The following PCDH17 variants were observed in gnomAD, a reference collection of about 807,000 sequenced individuals.
The protein encoded by PCDH17 is protocadherin 17.
Under a neutral mutation model 67.7 loss-of-function variants are expected in PCDH17, and 21 were observed. The ratio of observed to expected loss-of-function variants is 0.31; its 90% CI spans 0.22 to 0.45. The LOEUF (loss-of-function observed/expected upper bound fraction) is 0.45. Ranked by LOEUF, PCDH17 falls within the 20% of genes least tolerant of loss-of-function variation. The pLI is 1.00. For synonymous variants in PCDH17, 701 were observed against 656.7 expected, an observed-to-expected ratio of 1.07 and a Z score of -1.03; for missense variants, 1,471 against 1,564.8, an observed-to-expected ratio of 0.94 and a Z score of 1.01.
chr13:57,666,822 C>G lies in PCDH17; in HGVS notation c.2786C>G (p.Pro929Arg). The change falls in exon 3 of 4, where the codon CCA (proline) becomes CGA (arginine). Residue 929 changes from proline (P) to arginine (R), a missense_variant. Physicochemically the swap from Pro to Arg is moderately radical, Grantham distance 103. Coordinates refer to ENST00000377918, the MANE Select transcript of PCDH17 (RefSeq NM_001040429.3). ...KMKTTSTKSQ[P>R]LEQEPEECVN... ...AAAACTACTTCAACTAAAAGCCAAC[C>G]ACTTGAACAAGGTGAGTGAAGTCTT... 6.2e-7 allele frequency: 1 copy of G among 1,607,298 alleles called. No homozygotes were observed. The highest frequency in any genetic ancestry group is 8.5e-7 in the Non-Finnish European group (1 of 1,176,248).
At chr13:57,630,927 A>G (rs1954711174), upstream of PCDH17, among the ~76,000 whole-genome samples, 1 of 152,096 alleles carries the variant, frequency 6.6e-6, no homozygotes, top group South Asian at 2.1e-4. Flanking sequence ...CAGAACCCGA[A>G]ATAATGTGTA....
chr13:57,720,114 G>A (rs1250220762), intron 3 of PCDH17, among the ~76,000 whole-genome samples: 1 of 151,880 alleles, frequency 6.6e-6, no homozygotes, highest in East Asian at 1.9e-4. Context: ...ATTTCACAAT[G>A]GCTTGATTCA....
chr13:57,633,917 G>C lies in PCDH17; in HGVS notation c.1371G>C (p.Ser457=), dbSNP rs1026845535. 1 of 1,613,370 alleles carries C rather than the reference G, an allele frequency of 6.2e-7. No individual in the cohort carries two copies. The highest frequency in any genetic ancestry group is 1.1e-5 in the South Asian group (1 of 91,086). ...GGSPPLNSTK[S]FAIKILDEND... is the part of the protein sequence containing the mutation. ...CTCCTCCCCTCAACTCCACCAAGTC[G>C]TTCGCGATCAAGATTCTAGACGAGA... The change falls in exon 1 of 4, where the codon TCG becomes TCC. Residue 457 remains serine (S), a synonymous_variant. Transcript: ENST00000377918. This position sits in a 1 kb window ranked among gnomAD's most constrained non-coding sequence, Gnocchi z 6.2.
chr13:57,655,941 T>C (rs1955097486), intron 1 of PCDH17, among the ~76,000 whole-genome samples: 2 of 152,118 alleles, frequency 1.3e-5, no homozygotes, highest in African/African-American at 2.4e-5. Flanking sequence ...TGGTTCATTA[T>C]TTTTCTCCAT....
chr13:57,693,338 A>ATATATATATATATATATT (rs1401987726), intron 3 of PCDH17, among the ~76,000 whole-genome samples: 17 of 142,124 alleles, frequency 1.2e-4, no homozygotes, highest in African/African-American at 4.1e-4. Context: ...ATATATATAT[A>ATATATATATATATATATT]TATATATCAA....
At chr13:57,719,263 C>T (rs914966573) in intron 3 of PCDH17, among the ~76,000 whole-genome samples, 15 of 152,026 alleles carry the variant, frequency 9.9e-5, no homozygotes, top group Non-Finnish European at 2.9e-5. Context: ...TAGGAGAACA[C>T]AATTTCTATT....
rs1955612854 is a variant in PCDH17, at chr13:57,696,767, A to T, written c.2798-27845A>T. Among the ~76,000 whole-genome samples the T allele has an allele frequency of 3.3e-5, 5 of 151,510 alleles. No homozygotes were observed. In the Admixed American group the frequency reaches 3.3e-4, roughly 10 times the overall value. On this transcript the variant is annotated intron_variant, in intron 3 of 3. Coordinates refer to ENST00000377918, the MANE Select transcript of PCDH17 (RefSeq NM_001040429.3). ...GTATTAACAATGGAAATTAGAACAG[A>T]TCTATAAATTGAGATTCACAATGAG...
chr13:57,712,334 A>G (rs529782499), intron 3 of PCDH17, among the ~76,000 whole-genome samples: 1 of 151,782 alleles, frequency 6.6e-6, no homozygotes, highest in South Asian at 2.1e-4. Flanking sequence ...TGTGATCCCA[A>G]TTATGTGTCC....
chr13:57,639,041 T>C (rs945954194), intron 1 of PCDH17, among the ~76,000 whole-genome samples: 1 of 152,024 alleles, frequency 6.6e-6, no homozygotes, highest in Non-Finnish European at 1.5e-5. Flanking sequence ...CTAAGACAGC[T>C]CTTTAATTAG....
chr13:57,645,000 C>T (rs1954948222), intron 1 of PCDH17, among the ~76,000 whole-genome samples: 1 of 151,404 alleles, frequency 6.6e-6, no homozygotes, highest in Non-Finnish European at 1.5e-5. Flanking sequence ...CTACATGTTG[C>T]CTAGGGATTT....
At chr13:57,685,427 C>G (rs887243698) in intron 3 of PCDH17, among the ~76,000 whole-genome samples, 1 of 151,866 alleles carries the variant, frequency 6.6e-6, no homozygotes, top group African/African-American at 2.4e-5. Context: ...ATATAAGGAA[C>G]GAAGGTGTGA....
rs554796243 is a variant in PCDH17 at position 57,632,167 on chromosome 13, C to T, written c.-380C>T. 2.7e-5 allele frequency: 8 copies of T among 296,560 alleles called. No individual in the cohort carries two copies. The East Asian group carries it at 7.1e-4, about 26-fold the overall frequency. 18.4% of individuals were successfully genotyped at this position (296,560 alleles called of 1,614,324 possible). A position where few individuals can be genotyped will look rare whatever the true frequency, so the allele number is the denominator to read the frequency against. On this transcript the variant is annotated 5_prime_UTR_variant, in exon 1 of 4. Transcript: ENST00000377918. The stretch of plus-strand genomic sequence containing the variant: ...ACCTACTGATTCTTTAGCTCATTAT[C>T]ATCTCTCCCAGACGAGATTTCCTTC...
chr13:57,634,257 G>T lies in PCDH17; in HGVS notation c.1711G>T (p.Val571Leu), dbSNP rs1954782541. The T allele has an allele frequency of 3.1e-6, 5 of 1,613,242 alleles. No individual in the cohort carries two copies. The highest frequency in any genetic ancestry group is 3.4e-6 in the Non-Finnish European group (4 of 1,180,032). The change falls in exon 1 of 4, where the codon GTG (valine) becomes TTG (leucine). Residue 571 changes from valine to leucine, a missense_variant. By Grantham distance (32) the Val-to-Leu change is conservative. Around this residue, in one of 3 missense-constraint regions of PCDH17, gnomAD observed 1,163 missense variants for 1,230.0 expected, o/e 0.95. Transcript: ENST00000377918. The surrounding 1 kb of genome is among the most constrained non-coding windows in gnomAD (Gnocchi z 7.8). ...AHLESNATVR[V>L]TVLDVNDNAP... ...CTTGGAGAGCAACGCCACGGTGAGG[G>T]TGACAGTGCTAGACGTGAATGACAA...
At chr13:57,647,550 T>C (rs1680984869) in intron 1 of PCDH17, among the ~76,000 whole-genome samples, 1 of 151,836 alleles carries the variant, frequency 6.6e-6, no homozygotes, top group South Asian at 2.1e-4. Flanking sequence ...GCCTGGCCTC[T>C]GTATAGTTGA....
Position 57,634,473 on chromosome 13 carries a change from G to A in PCDH17, c.1927G>A (p.Gly643Ser). The A allele has an allele frequency of 6.2e-7, 1 of 1,612,880 alleles. No homozygotes were observed. Among genetic ancestry groups the A allele is most frequent in the Non-Finnish European group, 8.5e-7 (1 of 1,179,992 alleles). ...CCTGTTTGAGATCGACCCGTCCAGC[G>A]GCGAGATCCGCACGCTGCACCCTTT... ...DHLFEIDPSSGEIRTLHPFWE... is the reference protein window; with the variant it reads ...DHLFEIDPSSSEIRTLHPFWE... Residue 643 changes from glycine to serine, a missense_variant, in exon 1 of 4, where the codon GGC becomes AGC. Physicochemically the swap from Gly to Ser is moderately conservative, Grantham distance 56 (BLOSUM62 0). Around this residue, in one of 3 missense-constraint regions of PCDH17, gnomAD observed 1,163 missense variants for 1,230.0 expected, o/e 0.95. Coordinates refer to ENST00000377918, the MANE Select transcript of PCDH17 (RefSeq NM_001040429.3). This position sits in a 1 kb window ranked among gnomAD's most constrained non-coding sequence, Gnocchi z 7.8.
At chr13:57,674,759 TTTG>T (rs1448906764) in intron 3 of PCDH17, among the ~76,000 whole-genome samples, 3 of 152,020 alleles carry the variant, frequency 2.0e-5, no homozygotes, top group African/African-American at 7.2e-5. Context: ...AGGAAATAAT[TTTG>T]TTAATTTAAT....
chr13:57,715,603 T>C (rs1955810387), intron 3 of PCDH17, among the ~76,000 whole-genome samples: 1 of 151,876 alleles, frequency 6.6e-6, no homozygotes, highest in Non-Finnish European at 1.5e-5. Flanking sequence ...AATTGGAAGT[T>C]TTTAAAATTT....
upstream of PCDH17, among the ~76,000 whole-genome samples, chr13:57,631,340 T>A (rs1593883711): frequency 6.6e-6 from 1 of 151,242 alleles, no homozygotes; most frequent in East Asian, 2.0e-4. Flanking sequence ...ACAGGGAGAG[T>A]GTGTGTGCAA....
chr13:57,645,433 T>C (rs1954953253), intron 1 of PCDH17, among the ~76,000 whole-genome samples: 1 of 151,644 alleles, frequency 6.6e-6, no homozygotes, highest in African/African-American at 2.4e-5. Context: ...TGGATTCAAA[T>C]CTAGATGTGA....
Sources: gnomAD v4.1 joint callset for allele counts (sites outside exome capture counted in the v4.1 genomes callset) on GRCh38, gnomAD v4.1.1 for gene constraint, gnomAD v4.1.1 regional missense constraint, Gnocchi (gnomAD v3.1) non-coding constraint, MANE v1.5 for transcripts, NCBI Gene and HGNC (gene_info 2026-07-23, HGNC 2026-07-21) for gene names.